The following CNTNAP2 variants were observed in gnomAD, a reference collection of about 807,000 sequenced individuals.
CNTNAP2 encodes contactin-associated protein-like 2.
CNTNAP2 carries 98 observed loss-of-function variants against 155.2 expected under a neutral mutation model. That is an observed-to-expected ratio of 0.63 (90% CI 0.54 to 0.75). The LOEUF (loss-of-function observed/expected upper bound fraction) is 0.75, where lower values mean the gene tolerates loss of function less well. Ranked by LOEUF, CNTNAP2 falls within the 30% of genes least tolerant of loss-of-function variation. The pLI, the probability that CNTNAP2 is intolerant of heterozygous loss-of-function variation, is 0.00. For missense variants in CNTNAP2, 1,727 were observed against 1,688.1 expected (o/e 1.02, Z -0.40); for synonymous variants, 651 against 631.2 (o/e 1.03, Z -0.47).
chr7:148,131,510 C>CATCT (rs1804831750), intron 16 of CNTNAP2, among the ~76,000 whole-genome samples: 1 of 152,218 alleles, frequency 6.6e-6, no homozygotes, highest in South Asian at 2.1e-4. Context: ...TGCCTATGAC[C>CATCT]ATCTGTAAGA....
At chr7:147,095,568 A>G (rs13242258) in intron 4 of CNTNAP2, among the ~76,000 whole-genome samples, 3,511 of 151,798 alleles carry the variant, frequency 0.023, 57 homozygotes, top group South Asian at 0.058. Flanking sequence ...TTCAAATCTC[A>G]GTGAATAAGT....
At chr7:148,308,562 T>G (rs1290687657) in intron 21 of CNTNAP2, among the ~76,000 whole-genome samples, 2 of 48,906 alleles carry the variant, frequency 4.1e-5, no homozygotes, top group Admixed American at 1.8e-4. Flanking sequence ...TATTTATTTA[T>G]TTATTTATTT....
intron 8 of CNTNAP2, among the ~76,000 whole-genome samples, chr7:147,182,874 A>C (rs988571082): frequency 6.6e-6 from 1 of 152,302 alleles, no homozygotes; most frequent in Admixed American, 6.5e-5. Flanking sequence ...TAATTTAATC[A>C]TCTTCATACT....
intron 1 of CNTNAP2, among the ~76,000 whole-genome samples, chr7:146,223,813 A>G (rs1799247313): frequency 6.6e-6 from 1 of 152,236 alleles, no homozygotes; most frequent in Non-Finnish European, 1.5e-5. Context: ...CCTAGCTCTT[A>G]TCCTAAAGAG....
At chr7:146,941,817 A>G (rs949822994) in intron 3 of CNTNAP2, among the ~76,000 whole-genome samples, 21 of 152,020 alleles carry the variant, frequency 1.4e-4, no homozygotes, top group African/African-American at 5.1e-4. Flanking sequence ...ATATTATCCA[A>G]ATCTTTTCTG....
intron 3 of CNTNAP2, among the ~76,000 whole-genome samples, chr7:147,011,448 A>G (rs534517189): frequency 2.0e-5 from 3 of 148,194 alleles, no homozygotes; most frequent in African/African-American, 7.5e-5. Flanking sequence ...AAAAAAAGGA[A>G]CAAGGTTGTG....
chr7:146,839,174 A>G (rs1197522966), intron 2 of CNTNAP2, among the ~76,000 whole-genome samples: 3 of 152,072 alleles, frequency 2.0e-5, no homozygotes, highest in Non-Finnish European at 2.9e-5. Context: ...CTGATTTCCT[A>G]TATACTTCCC....
At chr7:148,108,133 G>A (rs1804263646) in intron 15 of CNTNAP2, among the ~76,000 whole-genome samples, 1 of 152,196 alleles carries the variant, frequency 6.6e-6, no homozygotes, top group Admixed American at 6.5e-5. Flanking sequence ...ACACCAGGCA[G>A]GGCCTCTACT....
Position 147,419,296 on chromosome 7 carries a change from C to A in CNTNAP2, c.1670+23516C>A, listed in dbSNP as rs564438579. Among the ~76,000 whole-genome samples, 4 of 152,240 alleles carry A rather than the reference C, an allele frequency of 2.6e-5. No homozygotes were observed. In the South Asian group the frequency reaches 8.3e-4, roughly 32 times the overall value. On this transcript the variant is annotated intron_variant, in intron 10 of 23. Transcript: ENST00000361727. Reference sequence around the variant, plus strand: ...TTGCTTTCAAGCTGGAGCTTGGCACCACAGGAGTCCCTGCTTGCCCTCTCA... The same window carrying A: ...TTGCTTTCAAGCTGGAGCTTGGCACAACAGGAGTCCCTGCTTGCCCTCTCA...
At chr7:148,321,897 CTTT>C (rs201482522) in intron 21 of CNTNAP2, among the ~76,000 whole-genome samples, 2 of 141,480 alleles carry the variant, frequency 1.4e-5, no homozygotes. Flanking sequence ...ATAAATTCTT[CTTT>C]TTTTTTTTTT....
chr7:147,744,206 A>G (rs1266362075), intron 13 of CNTNAP2, among the ~76,000 whole-genome samples: 2 of 152,150 alleles, frequency 1.3e-5, no homozygotes, highest in Admixed American at 1.3e-4. Context: ...CAGACAAACA[A>G]TATTACTAAA....
At chr7:147,989,185 A>G (rs758564794) in intron 15 of CNTNAP2, among the ~76,000 whole-genome samples, 11 of 152,224 alleles carry the variant, frequency 7.2e-5, no homozygotes, top group Non-Finnish European at 1.6e-4. Flanking sequence ...CTGAGATGCT[A>G]CAAGGTGTGG....
chr7:146,203,754 C>T (rs960631362), intron 1 of CNTNAP2, among the ~76,000 whole-genome samples: 12 of 152,042 alleles, frequency 7.9e-5, no homozygotes, highest in African/African-American at 2.7e-4. Context: ...CTAGGGACTG[C>T]CAGCCCTCAG....
chr7:147,872,920 T>C (rs1448146473), intron 13 of CNTNAP2, among the ~76,000 whole-genome samples: 2 of 152,160 alleles, frequency 1.3e-5, no homozygotes, highest in Non-Finnish European at 2.9e-5. Context: ...GAAAAAATAG[T>C]TCATGTCTCT....
intron 2 of CNTNAP2, among the ~76,000 whole-genome samples, chr7:146,786,049 A>G (rs777814004): frequency 1.4e-4 from 22 of 152,180 alleles, no homozygotes; most frequent in Non-Finnish European, 2.4e-4. Context: ...GGAAGCTCAC[A>G]TCAGCTGGTT....
At chr7:146,913,746 A>C (rs1220700923) in intron 3 of CNTNAP2, among the ~76,000 whole-genome samples, 1 of 151,852 alleles carries the variant, frequency 6.6e-6, no homozygotes, top group Non-Finnish European at 1.5e-5. Flanking sequence ...GTGGGGTATC[A>C]ACATATGGAT....
At chr7:147,486,068 T>A in intron 11 of CNTNAP2, 27 bp downstream of exon 11, 2 of 1,578,616 alleles carry the variant, frequency 1.3e-6, no homozygotes, top group Non-Finnish European at 8.7e-7. Flanking sequence ...CTCACTTTAA[T>A]CTTGTAATTG....
intron 1 of CNTNAP2, among the ~76,000 whole-genome samples, chr7:146,368,038 T>C (rs910141037): frequency 5.9e-5 from 9 of 152,112 alleles, no homozygotes; most frequent in African/African-American, 2.2e-4. Context: ...CTGAATTCTC[T>C]CTTGCTTTGA....
At chr7:146,959,717 A>G (rs1797516811) in intron 3 of CNTNAP2, among the ~76,000 whole-genome samples, 1 of 149,148 alleles carries the variant, frequency 6.7e-6, no homozygotes, top group Non-Finnish European at 1.5e-5. Flanking sequence ...GAGTCTCAAA[A>G]AAAAAAAAAA....
Sources: gnomAD v4.1 joint callset for allele counts (sites outside exome capture counted in the v4.1 genomes callset) on GRCh38, gnomAD v4.1.1 for gene constraint, MANE v1.5 for transcripts, NCBI Gene and HGNC (gene_info 2026-07-23, HGNC 2026-07-21) for gene names.